The following PIP4K2C variants were observed in gnomAD, a reference collection of about 807,000 sequenced individuals.
The protein encoded by PIP4K2C is phosphatidylinositol-5-phosphate 4-kinase type 2 gamma, also known as phosphatidylinositol 5-phosphate 4-kinase type-2 gamma.
PIP4K2C carries 21 observed loss-of-function variants against 45.0 expected under a neutral mutation model. The ratio of observed to expected loss-of-function variants is 0.47; its 90% CI spans 0.33 to 0.67. The LOEUF is 0.67. Among genes scored for constraint, PIP4K2C ranks in the 30% least tolerant of loss-of-function variants. The pLI, the probability that PIP4K2C is intolerant of heterozygous loss-of-function variation, is 0.02. For missense variants in PIP4K2C, 456 were observed against 542.8 expected (o/e 0.84, Z 1.59); for synonymous variants, 201 against 204.8 (o/e 0.98, Z 0.16).
Position 57,600,368 on chromosome 12 carries a change from G to T in PIP4K2C, c.744G>T (p.Lys248Asn). The T allele has an allele frequency of 6.2e-7, 1 of 1,610,876 alleles. No individual in the cohort carries two copies. Among genetic ancestry groups the T allele is most frequent in the African/African-American group, 1.3e-5 (1 of 74,972 alleles). The change falls in exon 7 of 10, where the codon AAG (lysine) becomes AAT (asparagine). Residue 248 changes from lysine (K) to asparagine (N), a missense_variant. Lys to Asn is a moderately conservative substitution (Grantham distance 94). Around this residue, in one of 2 missense-constraint regions of PIP4K2C, gnomAD observed 421 missense variants for 473.1 expected, o/e 0.89. Transcript: ENST00000354947. ...TTAAGGATATGGACTTTCTCAACAA[G>T]AACCAGAAAGTATATATTGGTGAAG... is the stretch of plus-strand genomic sequence containing the variant. ...PTLKDMDFLN[K>N]NQKVYIGEEE...
chr12:57,599,251 A>T (rs1180069184), intron 5 of PIP4K2C, 40 bp downstream of exon 5: 1 of 1,611,302 alleles, frequency 6.2e-7, no homozygotes, highest in Non-Finnish European at 8.5e-7. Flanking sequence ...GAGGCTCCTG[A>T]TAGCCTGAGA....
At chr12:57,599,796 C>T (rs1883348170) in intron 6 of PIP4K2C, among the ~76,000 whole-genome samples, 2 of 152,156 alleles carry the variant, frequency 1.3e-5, no homozygotes, top group Non-Finnish European at 2.9e-5. Context: ...GTGGCTTATG[C>T]ATGTAATCCC....
At position 57,591,258 on chromosome 12, in the gene PIP4K2C, C is replaced by T. The variant is rs1324953918; in HGVS notation, c.-32C>T. On this transcript the variant is annotated 5_prime_UTR_variant, in exon 1 of 10. Coordinates refer to ENST00000354947, the MANE Select transcript of PIP4K2C (RefSeq NM_024779.5). ...CGGGCGCCTGGATAGCTGCCGGCTC[C>T]GGCTTCCACTTGGTCGGTTGCGCGG... 6 of 1,575,608 alleles carry T rather than the reference C, an allele frequency of 3.8e-6. No homozygotes were observed. Among genetic ancestry groups the T allele is most frequent in the East Asian group, 2.3e-5 (1 of 43,704 alleles).
intron 8 of PIP4K2C, 49 bp from the exon 9 acceptor site, chr12:57,601,195 GA>G: frequency 6.3e-7 from 1 of 1,592,760 alleles, no homozygotes; most frequent in Non-Finnish European, 8.6e-7. Context: ...GCTTCCTGGA[GA>G]AAGGGAATTG....
intron 1 of PIP4K2C, 149 bp downstream of exon 1, chr12:57,591,612 TC>T: frequency 4.7e-6 from 4 of 858,780 alleles, no homozygotes; most frequent in South Asian, 2.2e-5. Context: ...CCCCAGGTGT[TC>T]CCCCAGCAGG....
intron 6 of PIP4K2C, among the ~76,000 whole-genome samples, chr12:57,600,068 AAG>A (rs1422885559): frequency 2.0e-5 from 3 of 151,944 alleles, no homozygotes; most frequent in East Asian, 1.9e-4. Flanking sequence ...AAAAAAAAAA[AAG>A]AGGAGAAAGA....
At position 57,601,572 on chromosome 12, in the gene PIP4K2C, G is replaced by A; in HGVS notation, c.1232G>A (p.Arg411Gln). ...STVHPEQYAK[R>Q]FLDFITNIFA ...GTCCATCCGGAGCAGTATGCTAAGC[G>A]ATTCCTGGATTTTATTACCAACATC... The change falls in exon 10 of 10, where the codon CGA becomes CAA. Residue 411 changes from arginine (R) to glutamine (Q), a missense_variant. This residue lies in a region of PIP4K2C where 35 missense variants were observed against 69.7 expected (regional missense o/e 0.50). Coordinates refer to ENST00000354947, the MANE Select transcript of PIP4K2C (RefSeq NM_024779.5). 1 of 1,613,140 alleles carries A rather than the reference G, an allele frequency of 6.2e-7. No individual in the cohort carries two copies. Among genetic ancestry groups the A allele is most frequent in the South Asian group, 1.1e-5 (1 of 91,070 alleles).
Position 57,601,039 on chromosome 12 carries a change from G to C in PIP4K2C, c.1042G>C (p.Glu348Gln). Residue 348 changes from glutamate to glutamine, a missense_variant, in exon 8 of 10, where the codon GAG becomes CAG. By Grantham distance (29) the Glu-to-Gln change is conservative (BLOSUM62 2). Transcript: ENST00000354947. ...TCGGCCCCTGGGCCCAGGAGAGTTT[G>C]AGTCCTTCATTGATGTCTATGCCAT... is the stretch of plus-strand genomic sequence containing the variant. ...SHRPLGPGEF[E>Q]SFIDVYAIRS... 1 of 1,613,916 alleles carries C rather than the reference G, an allele frequency of 6.2e-7. No individual in the cohort carries two copies. The highest frequency in any genetic ancestry group is 8.5e-7 in the Non-Finnish European group (1 of 1,180,026).
chr12:57,591,409 G>A lies in PIP4K2C; in HGVS notation c.120G>A (p.Val40=). 6 of 1,613,876 alleles carry A rather than the reference G, an allele frequency of 3.7e-6. No individual in the cohort carries two copies. The highest frequency in any genetic ancestry group is 5.1e-6 in the Non-Finnish European group (6 of 1,179,886). The change falls in exon 1 of 10, where the codon GTG becomes GTA. Residue 40 remains valine, a synonymous_variant. Transcript: ENST00000354947. ...KKHFVQQKVK[V]FRAADPLVGV... is the part of the protein sequence containing the mutation. ...ATTTCGTGCAGCAGAAGGTGAAGGT[G>A]TTCCGGGCGGCCGACCCGCTGGTGG... is the stretch of plus-strand genomic sequence containing the variant.
At chr12:57,595,083 T>C (rs755942359) in intron 2 of PIP4K2C, 43 bp from the exon 3 acceptor site, 1 of 1,233,888 alleles carries the variant, frequency 8.1e-7, no homozygotes, top group South Asian at 1.2e-5. Context: ...TGTATGTAAA[T>C]GTAATATTGT....
At chr12:57,594,358 G>T (rs1252072528) in intron 2 of PIP4K2C, among the ~76,000 whole-genome samples, 1 of 152,104 alleles carries the variant, frequency 6.6e-6, no homozygotes, top group Admixed American at 6.5e-5. Context: ...ACCATTACCT[G>T]CTCTTTCTCT....
chr12:57,598,947 A>G (rs1310897643), intron 4 of PIP4K2C, 118 bp from the exon 5 acceptor site: 3 of 1,126,158 alleles, frequency 2.7e-6, no homozygotes, highest in Non-Finnish European at 3.8e-6. Context: ...TTGACTTTGT[A>G]ATCTCTCTAC....
At chr12:57,600,488 G>A (rs1292000084) in intron 7 of PIP4K2C, 51 bp downstream of exon 7, 1 of 1,268,662 alleles carries the variant, frequency 7.9e-7, no homozygotes, top group East Asian at 2.3e-5. Context: ...GCTCCCTAGA[G>A]GGTAGTTGTC....
chr12:57,600,270 C>G (rs1166185678), intron 6 of PIP4K2C, 54 bp from the exon 7 acceptor site: 2 of 1,175,994 alleles, frequency 1.7e-6, no homozygotes, highest in Non-Finnish European at 2.5e-6. Flanking sequence ...AGGTGGGGTT[C>G]TGAGACCTTG....
chr12:57,593,493 T>G (rs1883050440), intron 1 of PIP4K2C, among the ~76,000 whole-genome samples: 1 of 152,084 alleles, frequency 6.6e-6, no homozygotes, highest in African/African-American at 2.4e-5. Context: ...TGCAAACAAC[T>G]GGGTCAGAGT....
rs183831857 is a variant in PIP4K2C at position 57,601,707 on chromosome 12, T to A, written c.*101T>A. On this transcript the variant is annotated 3_prime_UTR_variant, in exon 10 of 10. Coordinates refer to ENST00000354947, the MANE Select transcript of PIP4K2C (RefSeq NM_024779.5). ...GCCACCAGTTCTCTTCTTCCTTTGCTAAATTCAGGCTGCAGGCTCCTTCCA... is the reference window on the plus strand; with the variant it reads ...GCCACCAGTTCTCTTCTTCCTTTGCAAAATTCAGGCTGCAGGCTCCTTCCA... The A allele has an allele frequency of 1.1e-5, 12 of 1,068,038 alleles. No homozygotes were observed. The Admixed American group carries it at 1.7e-4, about 15-fold the overall frequency. 66.2% of individuals were successfully genotyped at this position (1,068,038 alleles called of 1,614,324 possible). A position where few individuals can be genotyped will look rare whatever the true frequency, so the allele number is the denominator to read the frequency against.
In PIP4K2C at chr12:57,595,888, G is replaced by A. The variant is rs532896811; in HGVS notation, c.370G>A (p.Val124Met). ...GCTCTGGCCTATTCTGTGTCCCCAG[G>A]TGTCCCTTACCCGAAACCCCCCCAG... The part of the protein sequence containing the change: ...RFGIDDQDYL[V>M]SLTRNPPSES... Residue 124 changes from valine to methionine, a missense_variant and splice_region_variant, in exon 4 of 10, where the codon GTG becomes ATG. By Grantham distance (21) the Val-to-Met change is conservative (BLOSUM62 1). This residue lies in a region of PIP4K2C where 421 missense variants were observed against 473.1 expected (regional missense o/e 0.89). Coordinates refer to ENST00000354947, the MANE Select transcript of PIP4K2C (RefSeq NM_024779.5). 6.2e-7 allele frequency: 1 copy of A among 1,613,914 alleles called. No individual in the cohort carries two copies. The highest frequency in any genetic ancestry group is 1.1e-5 in the South Asian group (1 of 91,068).
chr12:57,591,460 C>T lies in PIP4K2C; in HGVS notation c.171C>T (p.His57=). The change falls in exon 1 of 10, where the codon CAC becomes CAT. Residue 57 remains histidine (H), a synonymous_variant. Transcript: ENST00000354947. ...LVGVFLWGVA[H]SINELSQVPP... is the part of the protein sequence containing the mutation. ...GTGTGTTCCTGTGGGGCGTAGCCCA[C>T]TCGGTGAGAACCAGCCCTAGACCCC... 6.2e-7 allele frequency: 1 copy of T among 1,610,294 alleles called. No individual in the cohort carries two copies. The highest frequency in any genetic ancestry group is 1.1e-5 in the South Asian group (1 of 90,698).
chr12:57,594,004 A>C (rs750103581), intron 1 of PIP4K2C, 21 bp from the exon 2 acceptor site: 1 of 1,601,688 alleles, frequency 6.2e-7, no homozygotes, highest in Non-Finnish European at 8.5e-7. Context: ...TGGCTTCCCT[A>C]TTCATGGTTT....
Sources: allele counts gnomAD v4.1 joint callset (sites outside exome capture counted in the v4.1 genomes callset), GRCh38; gene constraint gnomAD v4.1.1; regional missense constraint gnomAD v4.1.1; transcripts MANE v1.5; gene names NCBI Gene and HGNC (gene_info 2026-07-23, HGNC 2026-07-21).